Variants in MACROD2 observed in about 807,000 individuals in gnomAD.
The protein encoded by MACROD2 is mono-ADP ribosylhydrolase 2, also known as ADP-ribose glycohydrolase MACROD2.
A neutral mutation model predicts 70.4 loss-of-function variants in MACROD2; 36 were observed. The ratio of observed to expected loss-of-function variants is 0.51; its 90% CI spans 0.39 to 0.68. The LOEUF (loss-of-function observed/expected upper bound fraction) is 0.68. MACROD2 is among the 30% of genes least tolerant of loss of function. MACROD2 has a pLI of 0.00. For synonymous variants in MACROD2, 172 were observed against 178.8 expected, an observed-to-expected ratio of 0.96 and a Z score of 0.30; for missense variants, 496 against 538.4, an observed-to-expected ratio of 0.92 and a Z score of 0.78.
chr20:15,477,149 G>A (rs796324606), intron 7 of MACROD2, among the ~76,000 whole-genome samples: 24 of 132,058 alleles, frequency 1.8e-4, no homozygotes, highest in African/African-American at 5.3e-4. Flanking sequence ...CACCCGTGCC[G>A]GACTACAGTG....
intron 5 of MACROD2, among the ~76,000 whole-genome samples, chr20:14,970,323 G>A (rs1438269074): frequency 6.6e-6 from 1 of 152,072 alleles, no homozygotes; most frequent in East Asian, 1.9e-4. Flanking sequence ...AGTATATATC[G>A]TTATTAGATT....
intron 4 of MACROD2, among the ~76,000 whole-genome samples, chr20:14,581,532 T>G (rs915382537): frequency 2.0e-5 from 3 of 152,214 alleles, no homozygotes; most frequent in Non-Finnish European, 4.4e-5. Context: ...AAAATATCCC[T>G]TTTATTGGAA....
intron 6 of MACROD2, among the ~76,000 whole-genome samples, chr20:15,250,293 GCCTT>G (rs1488472649): frequency 1.3e-5 from 2 of 152,136 alleles, no homozygotes; most frequent in Non-Finnish European, 2.9e-5. Flanking sequence ...TGTCTGCACA[GCCTT>G]TTGTACACAG....
At chr20:14,086,282 A>G in intron 3 of MACROD2, 1 of 284,892 alleles carries the variant, frequency 3.5e-6, no homozygotes. Flanking sequence ...TAATTTTCCT[A>G]TTTCAACATT....
chr20:14,981,436 A>G (rs1384428456), intron 5 of MACROD2, among the ~76,000 whole-genome samples: 3 of 57,906 alleles, frequency 5.2e-5, no homozygotes, highest in Non-Finnish European at 1.0e-4. Context: ...GTATATGTAT[A>G]TATATATATA....
chr20:15,953,933 C>T (rs2065941297), intron 12 of MACROD2, among the ~76,000 whole-genome samples: 1 of 152,030 alleles, frequency 6.6e-6, no homozygotes, highest in Non-Finnish European at 1.5e-5. Flanking sequence ...CATGAATTTG[C>T]TCACTGTTTT....
At chr20:14,124,365 G>A (rs983595950) in intron 3 of MACROD2, among the ~76,000 whole-genome samples, 1 of 151,958 alleles carries the variant, frequency 6.6e-6, no homozygotes, top group African/African-American at 2.4e-5. Flanking sequence ...TATCCACTAG[G>A]GACTTAATAG....
At chr20:14,320,564 T>C (rs150678434) in intron 3 of MACROD2, among the ~76,000 whole-genome samples, 1 of 152,312 alleles carries the variant, frequency 6.6e-6, no homozygotes, top group East Asian at 1.9e-4. Context: ...TTTCCAGTCT[T>C]ACCTCCTTCA....
intron 5 of MACROD2, among the ~76,000 whole-genome samples, chr20:14,744,584 T>G (rs2071775541): frequency 6.6e-6 from 1 of 152,216 alleles, no homozygotes; most frequent in Non-Finnish European, 1.5e-5. Flanking sequence ...AGTTCACATC[T>G]GTATTTTCAC....
chr20:14,215,852 A>T (rs2081617696), intron 3 of MACROD2, among the ~76,000 whole-genome samples: 1 of 151,706 alleles, frequency 6.6e-6, no homozygotes, highest in African/African-American at 2.4e-5. Context: ...CCACTTTTTG[A>T]TGGGATTGTT....
chr20:16,044,372 G>T (rs1303766497), intron 16 of MACROD2, among the ~76,000 whole-genome samples, 199 bp from the exon 17 acceptor site: 3 of 151,990 alleles, frequency 2.0e-5, no homozygotes, highest in South Asian at 2.1e-4. Flanking sequence ...AAGATTTGAA[G>T]GGGGCGTCTG....
chr20:14,842,866 G>T (rs554410184), intron 5 of MACROD2, among the ~76,000 whole-genome samples: 1 of 152,194 alleles, frequency 6.6e-6, no homozygotes, highest in South Asian at 2.1e-4. Context: ...TGAACTCTAG[G>T]AGTCATTTCC....
intron 4 of MACROD2, among the ~76,000 whole-genome samples, chr20:14,604,542 A>G (rs1329741632): frequency 6.6e-6 from 1 of 152,204 alleles, no homozygotes; most frequent in Admixed American, 6.5e-5. Context: ...GGCTTTCTGC[A>G]TAAGCCTCAG....
chr20:14,627,288 C>T (rs1321547566), intron 4 of MACROD2, among the ~76,000 whole-genome samples: 1 of 152,126 alleles, frequency 6.6e-6, no homozygotes, highest in Non-Finnish European at 1.5e-5. Flanking sequence ...GGGAATTGGC[C>T]TCTTCTCAAA....
intron 5 of MACROD2, among the ~76,000 whole-genome samples, chr20:15,130,203 A>G (rs1051845195): frequency 6.6e-6 from 1 of 152,004 alleles, no homozygotes; most frequent in Non-Finnish European, 1.5e-5. Flanking sequence ...CTCTTAACCC[A>G]ATGGTATGAA....
At chr20:14,983,867 G>A (rs968540559) in intron 5 of MACROD2, among the ~76,000 whole-genome samples, 31 of 152,172 alleles carry the variant, frequency 2.0e-4, no homozygotes, top group Non-Finnish European at 1.2e-4. Context: ...ATGGTAGTCT[G>A]TCAGTAGTAA....
At chr20:14,789,112 A>G (rs2072415002) in intron 5 of MACROD2, among the ~76,000 whole-genome samples, 1 of 151,836 alleles carries the variant, frequency 6.6e-6, no homozygotes, top group South Asian at 2.1e-4. Context: ...ATTTTTCTTT[A>G]TATTAAGGAT....
intron 6 of MACROD2, among the ~76,000 whole-genome samples, chr20:15,270,173 G>A (rs1234896333): frequency 1.1e-5 from 1 of 87,328 alleles, no homozygotes; most frequent in Non-Finnish European, 2.4e-5. Context: ...TTTTTTTTTT[G>A]GCTGTACACA....
intron 5 of MACROD2, among the ~76,000 whole-genome samples, chr20:14,686,563 A>G (rs1266910348): frequency 6.6e-6 from 1 of 152,150 alleles, no homozygotes; most frequent in East Asian, 1.9e-4. Context: ...ATGTTTAGCT[A>G]TGTTTACATA....
Sources: allele counts gnomAD v4.1 joint callset (sites outside exome capture counted in the v4.1 genomes callset), GRCh38; gene constraint gnomAD v4.1.1; transcripts MANE v1.5; gene names NCBI Gene and HGNC (gene_info 2026-07-23, HGNC 2026-07-21).